Variants in NPEPPS observed in about 807,000 individuals in gnomAD.
NPEPPS encodes the protein puromycin-sensitive aminopeptidase.
NPEPPS carries 14 observed loss-of-function variants against 115.5 expected under a neutral mutation model. That is an observed-to-expected ratio of 0.12 (90% confidence interval 0.08 to 0.19). The LOEUF (loss-of-function observed/expected upper bound fraction) is 0.19, where lower values mean the gene tolerates loss of function less well. Ranked by LOEUF, NPEPPS falls within the 10% of genes least tolerant of loss-of-function variation. NPEPPS has a pLI of 1.00. For synonymous variants in NPEPPS, 285 were observed against 390.6 expected (o/e 0.73, Z 3.19); for missense variants, 523 against 1,110.8 (o/e 0.47, Z 7.52).
chr17:47,612,337 T>G, intron 17 of NPEPPS, 123 bp from the exon 18 acceptor site: 1 of 894,092 alleles, frequency 1.1e-6, no homozygotes, highest in Non-Finnish European at 1.7e-6. Context: ...GGTATTAAGT[T>G]AATTGAGTGT....
chr17:47,535,242 CA>C (rs1163530675), intron 1 of NPEPPS, among the ~76,000 whole-genome samples: 2,693 of 56,556 alleles, frequency 0.048, 10 homozygotes, highest in Non-Finnish European at 0.062. Context: ...GACTCTGTCT[CA>C]AAAAAAAAAA....
chr17:47,605,589 A>G, intron 17 of NPEPPS, 37 bp downstream of exon 17: 1 of 1,296,360 alleles, frequency 7.7e-7, no homozygotes, highest in South Asian at 1.3e-5. Flanking sequence ...AATTACGCAG[A>G]AGTTGGTACT....
At chr17:47,538,501 ACCG>A (rs1001127190) in intron 1 of NPEPPS, among the ~76,000 whole-genome samples, 1 of 143,276 alleles carries the variant, frequency 7.0e-6, no homozygotes, top group African/African-American at 2.6e-5. Context: ...GGCATGAACC[ACCG>A]CGCCTAGTCC....
At chr17:47,590,604 A>G in intron 9 of NPEPPS, 113 bp from the exon 10 acceptor site, 1 of 1,291,866 alleles carries the variant, frequency 7.7e-7, no homozygotes, top group Admixed American at 2.7e-5. Flanking sequence ...ACTGAATTTT[A>G]GGTCATTAAA....
At chr17:47,552,768 AG>A (rs1909737175) in intron 2 of NPEPPS, among the ~76,000 whole-genome samples, 1 of 152,188 alleles carries the variant, frequency 6.6e-6, no homozygotes, top group Non-Finnish European at 1.5e-5. Flanking sequence ...TGCCTAACCA[AG>A]TGAAACATTT....
chr17:47,584,037 A>G (rs1912041881), intron 5 of NPEPPS, among the ~76,000 whole-genome samples: 2 of 151,990 alleles, frequency 1.3e-5, no homozygotes, highest in Admixed American at 1.3e-4. Flanking sequence ...CCTGGCCAAC[A>G]TGGTGAAACC....
intron 2 of NPEPPS, among the ~76,000 whole-genome samples, chr17:47,547,621 G>A (rs1335138959): frequency 1.3e-5 from 2 of 152,084 alleles, no homozygotes; most frequent in Non-Finnish European, 2.9e-5. Flanking sequence ...GGCCTTGCAG[G>A]TTGCTGGGAT....
At chr17:47,612,733 G>A in intron 18 of NPEPPS, 131 bp downstream of exon 18, 2 of 774,282 alleles carry the variant, frequency 2.6e-6, no homozygotes, top group Non-Finnish European at 4.0e-6. Flanking sequence ...GCATGATCTC[G>A]GCTCACTGCA....
At chr17:47,612,097 G>C (rs1913907160) in intron 17 of NPEPPS, among the ~76,000 whole-genome samples, 1 of 152,116 alleles carries the variant, frequency 6.6e-6, no homozygotes, top group African/African-American at 2.4e-5. Context: ...GAGCATACTA[G>C]TTCCATATGT....
intron 13 of NPEPPS, among the ~76,000 whole-genome samples, chr17:47,599,469 A>G (rs1381197728): frequency 6.6e-6 from 1 of 152,198 alleles, no homozygotes; most frequent in African/African-American, 2.4e-5. Context: ...TGTACTTACC[A>G]TTGTTGCCTC....
intron 4 of NPEPPS, chr17:47,579,805 T>C (rs1911754347): frequency 5.2e-6 from 1 of 192,416 alleles, no homozygotes; most frequent in African/African-American, 2.4e-5. Flanking sequence ...ATCATTCTCT[T>C]AGTATTTGAC....
At chr17:47,528,990 T>C (rs554381456), upstream of NPEPPS, among the ~76,000 whole-genome samples, 124 of 152,182 alleles carry the variant, frequency 8.1e-4, no homozygotes, top group Non-Finnish European at 1.4e-3. Context: ...TTTGGATATG[T>C]TGGGTTAAAT....
intron 22 of NPEPPS, among the ~76,000 whole-genome samples, chr17:47,620,808 T>C (rs1283730212): frequency 1.3e-5 from 2 of 152,250 alleles, no homozygotes; most frequent in African/African-American, 4.8e-5. Context: ...CTTTGTTTTC[T>C]GTGAAACCAG....
At chr17:47,607,047 G>T (rs1913559560) in intron 17 of NPEPPS, among the ~76,000 whole-genome samples, 1 of 152,006 alleles carries the variant, frequency 6.6e-6, no homozygotes, top group Non-Finnish European at 1.5e-5. Flanking sequence ...ACAAAAATTA[G>T]CCAGGTGTGG....
At chr17:47,591,582 CAT>C (rs1912508112) in intron 10 of NPEPPS, 1 of 162,820 alleles carries the variant, frequency 6.1e-6, no homozygotes, top group Non-Finnish European at 1.3e-5. Context: ...GCTACTTCAA[CAT>C]ATTTAATTAG....
chr17:47,595,467 C>G (rs76208472), intron 12 of NPEPPS, among the ~76,000 whole-genome samples: 8,171 of 152,256 alleles, frequency 0.054, 396 homozygotes, highest in African/African-American at 0.11. Context: ...TTCTTTGTTT[C>G]TCCTTAACTC....
chr17:47,621,783 C>T lies in NPEPPS; in HGVS notation c.2623C>T (p.His875Tyr). 6.2e-7 allele frequency: 1 copy of T among 1,609,776 alleles called. No homozygotes were observed. Among genetic ancestry groups the T allele is most frequent in the Non-Finnish European group, 8.5e-7 (1 of 1,176,578 alleles). Reference sequence around the variant, plus strand: ...TTTATACCAGGCTTTCTTCGAGAGTCACCCAGCTCCTTCAGCTGAGCGTAC... The same window carrying T: ...TTTATACCAGGCTTTCTTCGAGAGTTACCCAGCTCCTTCAGCTGAGCGTAC... ...AGEVKAFFESHPAPSAERTIQ... is the reference protein window; with the variant it reads ...AGEVKAFFESYPAPSAERTIQ... The change falls in exon 23 of 23, where the codon CAC becomes TAC. Residue 875 changes from histidine (H) to tyrosine (Y), a missense_variant. By Grantham distance (83) the His-to-Tyr change is moderately conservative (BLOSUM62 2). Coordinates refer to ENST00000322157, the MANE Select transcript of NPEPPS (RefSeq NM_006310.4).
chr17:47,526,468 A>C (rs1478784843), upstream of NPEPPS, among the ~76,000 whole-genome samples: 1 of 152,244 alleles, frequency 6.6e-6, no homozygotes, highest in East Asian at 1.9e-4. Flanking sequence ...GCAAGCTGTA[A>C]GGGCCAAGCA....
chr17:47,530,206 T>G (rs2935183), upstream of NPEPPS, among the ~76,000 whole-genome samples: 74,028 of 144,964 alleles, frequency 0.51, 19,486 homozygotes, highest in East Asian at 0.66. Flanking sequence ...GCCTCCCAAA[T>G]TGCTGGGATT....
Sources: gnomAD v4.1 joint callset for allele counts (sites outside exome capture counted in the v4.1 genomes callset) on GRCh38, gnomAD v4.1.1 for gene constraint, MANE v1.5 for transcripts, NCBI Gene and HGNC (gene_info 2026-07-23, HGNC 2026-07-21) for gene names.